The following BTBD9 variants were observed in gnomAD, a reference collection of about 807,000 sequenced individuals.
BTBD9 encodes the protein BTB domain containing 9.
BTBD9 carries 49 observed loss-of-function variants against 64.3 expected under a neutral mutation model. The observed-to-expected ratio is 0.76, with a 90% CI of 0.61 to 0.97. BTBD9 has a LOEUF of 0.97. BTBD9 is among the 50% of genes least tolerant of loss of function. The pLI is 0.00. For missense variants in BTBD9, 598 were observed against 762.1 expected, an observed-to-expected ratio of 0.78 and a Z score of 2.53; for synonymous variants, 260 against 274.7, an observed-to-expected ratio of 0.95 and a Z score of 0.53.
intron 6 of BTBD9, among the ~76,000 whole-genome samples, chr6:38,349,788 C>T (rs1453272836): frequency 3.3e-5 from 5 of 151,948 alleles, no homozygotes; most frequent in Non-Finnish European, 5.9e-5. Context: ...ACTTCAGGAA[C>T]ACAGGGAGGG....
chr6:38,585,117 G>C (rs1315303009), intron 4 of BTBD9, among the ~76,000 whole-genome samples: 1 of 151,520 alleles, frequency 6.6e-6, no homozygotes, highest in Admixed American at 6.6e-5. Context: ...CAGCCCTCCC[G>C]AGCTCACCAT....
intron 10 of BTBD9, among the ~76,000 whole-genome samples, chr6:38,189,891 C>T (rs1262733910): frequency 6.6e-6 from 1 of 151,970 alleles, no homozygotes; most frequent in Non-Finnish European, 1.5e-5. Context: ...CCAGGCTGGT[C>T]CCAAACTTCT....
At chr6:38,623,813 C>T (rs924323023) in intron 1 of BTBD9, among the ~76,000 whole-genome samples, 3 of 152,212 alleles carry the variant, frequency 2.0e-5, no homozygotes, top group African/African-American at 7.2e-5. Context: ...GGCCATCAAG[C>T]TACAGATGGT....
chr6:38,192,170 G>A (rs1762100037), intron 10 of BTBD9, among the ~76,000 whole-genome samples: 4 of 152,294 alleles, frequency 2.6e-5, no homozygotes, highest in African/African-American at 9.6e-5. Flanking sequence ...TAGACGCCAC[G>A]CTCAGAGGGG....
chr6:38,363,446 G>T (rs1341127510), intron 6 of BTBD9, among the ~76,000 whole-genome samples: 2 of 152,204 alleles, frequency 1.3e-5, no homozygotes, highest in Admixed American at 1.3e-4. Context: ...GAGCATGGTG[G>T]TGCACACCTG....
rs1322719208 is a variant in BTBD9 at position 38,244,435 on chromosome 6, T to C, written c.1562+11974A>G. 2.0e-5 allele frequency among the ~76,000 whole-genome samples: 3 copies of C among 152,244 alleles called. No homozygotes were observed. The South Asian group carries it at 6.2e-4, about 32-fold the overall frequency. On this transcript the variant is annotated intron_variant, in intron 9 of 10. Transcript: ENST00000481247. ...GCTGGGAGAGGTACATGTGATGCTC[T>C]GGCAGGCAGTTTAGAGTCCCTCTTC...
At chr6:38,294,254 A>G (rs1035446217) in intron 7 of BTBD9, among the ~76,000 whole-genome samples, 4 of 152,196 alleles carry the variant, frequency 2.6e-5, no homozygotes, top group African/African-American at 9.6e-5. Flanking sequence ...GTGGAAGTCA[A>G]TGTGGCGATT....
chr6:38,330,515 C>T lies in BTBD9; in HGVS notation c.1264+14469G>A, dbSNP rs905165225. On this transcript the variant is annotated intron_variant, in intron 7 of 10. Coordinates refer to ENST00000481247, the MANE Select transcript of BTBD9 (RefSeq NM_001099272.2). ...CAGCCTGGGCAACATAGCAAGACCTCGTCTCATAAAAAATAAAATACCGTC... is the reference window on the plus strand; with the variant it reads ...CAGCCTGGGCAACATAGCAAGACCTTGTCTCATAAAAAATAAAATACCGTC... Among the ~76,000 whole-genome samples, 3 of 151,960 alleles carry T rather than the reference C, an allele frequency of 2.0e-5. No homozygotes were observed. In the South Asian group the frequency reaches 6.2e-4, roughly 32 times the overall value.
intron 9 of BTBD9, among the ~76,000 whole-genome samples, chr6:38,213,152 G>A (rs1008478031): frequency 2.6e-5 from 4 of 152,016 alleles, no homozygotes; most frequent in South Asian, 2.1e-4. Context: ...ATCACCAGAC[G>A]GTCTCAGAAT....
intron 7 of BTBD9, among the ~76,000 whole-genome samples, chr6:38,305,397 G>C (rs1353859479): frequency 6.6e-6 from 1 of 152,186 alleles, no homozygotes; most frequent in East Asian, 1.9e-4. Context: ...TTGTTTGATG[G>C]AGAAAACATT....
intron 6 of BTBD9, among the ~76,000 whole-genome samples, chr6:38,529,880 G>A (rs1410276421): frequency 6.6e-6 from 1 of 152,114 alleles, no homozygotes; most frequent in African/African-American, 2.4e-5. Context: ...GATTTTTAGG[G>A]AACAAGGGAA....
chr6:38,635,018 T>A (rs1447321943), intron 1 of BTBD9, among the ~76,000 whole-genome samples: 2 of 152,214 alleles, frequency 1.3e-5, no homozygotes, highest in Admixed American at 6.5e-5. Context: ...ACCATCAGCA[T>A]CACCTGGGAA....
At chr6:38,419,594 G>A (rs1331359480) in intron 6 of BTBD9, among the ~76,000 whole-genome samples, 1 of 152,142 alleles carries the variant, frequency 6.6e-6, no homozygotes, top group African/African-American at 2.4e-5. Context: ...AAGGGAGCTG[G>A]GTGCGGTGGC....
chr6:38,276,805 G>C (rs1761277025), intron 8 of BTBD9, among the ~76,000 whole-genome samples: 1 of 152,098 alleles, frequency 6.6e-6, no homozygotes, highest in Admixed American at 6.5e-5. Flanking sequence ...AAGGCAAACA[G>C]ACTTGACTTT....
rs570455096 is a variant in BTBD9, at chr6:38,489,397, T to C, written c.1154+88203A>G. On this transcript the variant is annotated intron_variant, in intron 6 of 10. Transcript: ENST00000481247. Reference sequence around the variant, plus strand: ...TGGGAGGATCACTTGAGCCCAGGAGTTCAAAGTTGCAATAAGCTATGATTG... The same window carrying C: ...TGGGAGGATCACTTGAGCCCAGGAGCTCAAAGTTGCAATAAGCTATGATTG... Among the ~76,000 whole-genome samples the C allele has an allele frequency of 2.0e-5, 3 of 152,018 alleles. No homozygotes were observed. The East Asian group carries it at 5.8e-4, about 30-fold the overall frequency.
intron 6 of BTBD9, among the ~76,000 whole-genome samples, chr6:38,511,341 T>A (rs1163392911): frequency 2.8e-5 from 1 of 35,742 alleles, no homozygotes; most frequent in Non-Finnish European, 1.6e-4. Flanking sequence ...TGGAAATGCC[T>A]TTTTTTTTTT....
chr6:38,555,687 A>G (rs754290694), intron 6 of BTBD9, among the ~76,000 whole-genome samples: 12 of 152,116 alleles, frequency 7.9e-5, no homozygotes, highest in Non-Finnish European at 1.6e-4. Flanking sequence ...TAATTGTCAG[A>G]TTCTTCTTTT....
intron 7 of BTBD9, among the ~76,000 whole-genome samples, chr6:38,341,079 A>C (rs1407198259): frequency 6.6e-6 from 1 of 152,214 alleles, no homozygotes; most frequent in South Asian, 2.1e-4. Flanking sequence ...AGAAAAACAG[A>C]CAAAGATAGA....
intron 6 of BTBD9, among the ~76,000 whole-genome samples, chr6:38,426,585 G>A (rs904755493): frequency 2.0e-5 from 3 of 151,842 alleles, no homozygotes; most frequent in Non-Finnish European, 2.9e-5. Flanking sequence ...TTCCGGATCC[G>A]GCAGGGTGTC....
Sources: gnomAD v4.1 joint callset for allele counts (sites outside exome capture counted in the v4.1 genomes callset) on GRCh38, gnomAD v4.1.1 for gene constraint, MANE v1.5 for transcripts, NCBI Gene and HGNC (gene_info 2026-07-23, HGNC 2026-07-21) for gene names.